Variants in ZNF407 observed in about 807,000 individuals in gnomAD.
The protein encoded by ZNF407 is zinc finger protein 407.
A neutral mutation model predicts 131.2 loss-of-function variants in ZNF407; 17 were observed. That is an observed-to-expected ratio of 0.13 (90% CI 0.09 to 0.19). ZNF407 has a LOEUF of 0.19. Among genes scored for constraint, ZNF407 ranks in the 10% least tolerant of loss-of-function variants. ZNF407 has a pLI of 1.00. For synonymous variants in ZNF407, 1,156 were observed against 1,062.0 expected (o/e 1.09, Z -1.72); for missense variants, 2,681 against 2,830.6 (o/e 0.95, Z 1.20).
At chr18:74,664,273 G>A (rs1985838997) in intron 3 of ZNF407, among the ~76,000 whole-genome samples, 1 of 152,228 alleles carries the variant, frequency 6.6e-6, no homozygotes, top group African/African-American at 2.4e-5. Flanking sequence ...GCCGAGGCGA[G>A]TGGATCACCT....
chr18:74,808,728 A>T (rs1970150804), intron 4 of ZNF407, among the ~76,000 whole-genome samples: 1 of 152,166 alleles, frequency 6.6e-6, no homozygotes, highest in Non-Finnish European at 1.5e-5. Context: ...AAGTTAATCT[A>T]ATTCTAATGA....
At chr18:74,938,149 T>G (rs1972058816) in intron 8 of ZNF407, among the ~76,000 whole-genome samples, 1 of 152,200 alleles carries the variant, frequency 6.6e-6, no homozygotes, top group African/African-American at 2.4e-5. Context: ...TGGCTTCTTT[T>G]AGAACATTTG....
intron 4 of ZNF407, among the ~76,000 whole-genome samples, chr18:74,855,864 ATACTT>A (rs1568242862): frequency 2.6e-5 from 4 of 152,174 alleles, no homozygotes. Flanking sequence ...GTTGGAAGTT[ATACTT>A]TACATTTTTG....
chr18:74,636,377 G>A (rs1378228967), intron 2 of ZNF407, among the ~76,000 whole-genome samples: 1 of 152,062 alleles, frequency 6.6e-6, no homozygotes. Flanking sequence ...ATAAGCTACT[G>A]TTCTAAATTT....
rs758965846 is a variant in ZNF407 at position 75,063,949 on chromosome 18, C to T, written c.6228C>T (p.Phe2076=). Residue 2076 remains phenylalanine, a synonymous_variant, in exon 9 of 9, where the codon TTC becomes TTT. Coordinates refer to ENST00000299687, the MANE Select transcript of ZNF407 (RefSeq NM_017757.3). This position sits in a 1 kb window ranked among gnomAD's most constrained non-coding sequence, Gnocchi z 6.6. ...CTCAGGAGCGGGCACAGGTGGCCTT[C>T]AAGAAGATGGTCCAGGGCGTCCTCC... ...MASQERAQVA[F]KKMVQGVLQF... The T allele has an allele frequency of 2.5e-6, 4 of 1,613,612 alleles. No individual in the cohort carries two copies. In the Admixed American group the frequency reaches 6.7e-5, roughly 27 times the overall value.
At chr18:74,707,204 G>T (rs1967647430) in intron 3 of ZNF407, among the ~76,000 whole-genome samples, 1 of 152,134 alleles carries the variant, frequency 6.6e-6, no homozygotes, top group Admixed American at 6.5e-5. Context: ...GCCCACGTCG[G>T]CATCTGAAAG....
intron 4 of ZNF407, among the ~76,000 whole-genome samples, chr18:74,793,996 T>C (rs1311062797): frequency 6.6e-6 from 1 of 152,198 alleles, no homozygotes. Context: ...AAAGAAATGT[T>C]GATTAGCACT....
chr18:74,898,179 C>G (rs1971477804), intron 7 of ZNF407: 1 of 151,962 alleles, frequency 6.6e-6, no homozygotes, highest in African/African-American at 2.4e-5. Context: ...CTGACTCATT[C>G]CACTCCCTCT....
At chr18:75,049,455 T>C (rs886193224) in intron 8 of ZNF407, among the ~76,000 whole-genome samples, 3 of 152,208 alleles carry the variant, frequency 2.0e-5, no homozygotes, top group African/African-American at 7.2e-5. Flanking sequence ...GCAGAACTTC[T>C]GCTCCCTGCT....
intron 3 of ZNF407, among the ~76,000 whole-genome samples, chr18:74,738,764 A>T (rs1026549664): frequency 3.9e-5 from 6 of 152,278 alleles, no homozygotes; most frequent in Middle Eastern, 6.8e-3. Flanking sequence ...ATATTTTCTC[A>T]GAATTCTCTA....
At chr18:74,625,137 G>GAT (rs1983731604) in intron 1 of ZNF407, among the ~76,000 whole-genome samples, 1 of 152,172 alleles carries the variant, frequency 6.6e-6, no homozygotes, top group Non-Finnish European at 1.5e-5. Flanking sequence ...GATATAGTGA[G>GAT]ATATTGGGTT....
At chr18:74,932,727 G>A (rs72979495) in intron 8 of ZNF407, among the ~76,000 whole-genome samples, 22,616 of 152,156 alleles carry the variant, frequency 0.15, 1,908 homozygotes, top group Admixed American at 0.26. Flanking sequence ...TGTGTATGAT[G>A]TGATTCTGGC....
intron 8 of ZNF407, among the ~76,000 whole-genome samples, chr18:74,954,825 C>T (rs1301136584): frequency 6.6e-6 from 1 of 152,126 alleles, no homozygotes; most frequent in African/African-American, 2.4e-5. Flanking sequence ...GCCATCCTTT[C>T]GAGTGACCAT....
intron 8 of ZNF407, among the ~76,000 whole-genome samples, chr18:74,978,840 C>T (rs1972556465): frequency 6.6e-6 from 1 of 152,054 alleles, no homozygotes; most frequent in Non-Finnish European, 1.5e-5. Context: ...GTAGCTTCAG[C>T]CCGGGATTGA....
chr18:74,889,387 C>A (rs946259250), intron 6 of ZNF407, among the ~76,000 whole-genome samples: 2 of 152,094 alleles, frequency 1.3e-5, no homozygotes, highest in African/African-American at 4.8e-5. Flanking sequence ...CTAAATATTT[C>A]TTTGGGTCCT....
In ZNF407 at chr18:74,729,846, A is replaced by G. The variant is rs9959617; in HGVS notation, c.4803-51582A>G. Among the ~76,000 whole-genome samples, 3 of 151,968 alleles carry G rather than the reference A, an allele frequency of 2.0e-5. 1 individual carries two copies. The highest frequency in any genetic ancestry group is 4.8e-5 in the African/African-American group (2 of 41,352). ...AGAATAATAAAATTGGAAAAAAAAG[A>G]CTATTATCTTGTGACAGTTTTGGCC... On this transcript the variant is annotated intron_variant, in intron 3 of 8. Transcript: ENST00000299687.
intron 3 of ZNF407, among the ~76,000 whole-genome samples, chr18:74,652,531 TTAAAC>T (rs1985274069): frequency 6.6e-6 from 1 of 152,052 alleles, no homozygotes; most frequent in Non-Finnish European, 1.5e-5. Context: ...TGCTGAGAAC[TTAAAC>T]TAAGGCAGTT....
chr18:74,618,126 A>T (rs1983392141), intron 1 of ZNF407, among the ~76,000 whole-genome samples: 2 of 152,108 alleles, frequency 1.3e-5, no homozygotes, highest in African/African-American at 4.8e-5. Flanking sequence ...CAATTGTCCG[A>T]GATTTGGTCA....
intron 4 of ZNF407, among the ~76,000 whole-genome samples, chr18:74,817,911 G>T (rs1599174227): frequency 6.6e-6 from 1 of 152,202 alleles, no homozygotes; most frequent in East Asian, 1.9e-4. Context: ...CTCAACCTGA[G>T]TGAGGTAGAA....
Sources: allele counts gnomAD v4.1 joint callset (sites outside exome capture counted in the v4.1 genomes callset), GRCh38; gene constraint gnomAD v4.1.1; non-coding constraint Gnocchi (gnomAD v3.1); transcripts MANE v1.5; gene names NCBI Gene and HGNC (gene_info 2026-07-23, HGNC 2026-07-21).